SYCP2: variants seen among roughly 807,000 people sequenced by gnomAD.
The protein encoded by SYCP2 is synaptonemal complex lateral element protein.
Under a neutral mutation model 211.3 loss-of-function variants are expected in SYCP2, and 55 were observed. The observed-to-expected ratio is 0.26, with a 90% confidence interval of 0.21 to 0.33. The LOEUF is 0.33. SYCP2 is among the 10% of genes least tolerant of loss of function. SYCP2 has a pLI of 1.00. For missense variants in SYCP2, 1,731 were observed against 1,752.0 expected, an observed-to-expected ratio of 0.99 and a Z score of 0.21; for synonymous variants, 570 against 555.2, an observed-to-expected ratio of 1.03 and a Z score of -0.37.
chr20:59,931,589 G>C (rs1381771225), intron 2 of SYCP2, among the ~76,000 whole-genome samples: 2 of 152,140 alleles, frequency 1.3e-5, no homozygotes, highest in African/African-American at 4.8e-5. Context: ...TTGCCCATTA[G>C]CTATGCTTTA....
chr20:59,931,442 T>C (rs960140569), intron 2 of SYCP2, among the ~76,000 whole-genome samples: 8 of 152,290 alleles, frequency 5.3e-5, no homozygotes, highest in African/African-American at 1.9e-4. Context: ...TTTGATGCAG[T>C]GAAGGTGTAT....
At chr20:59,875,229 C>A in intron 34 of SYCP2, 42 bp downstream of exon 34, 1 of 1,260,258 alleles carries the variant, frequency 7.9e-7, no homozygotes, top group Non-Finnish European at 1.1e-6. Context: ...TTATAGAAAA[C>A]TATTGAATAT....
intron 7 of SYCP2, among the ~76,000 whole-genome samples, chr20:59,917,312 AT>A (rs1365785835): frequency 6.6e-6 from 1 of 152,144 alleles, no homozygotes; most frequent in African/African-American, 2.4e-5. Context: ...ACGTTAACGC[AT>A]TTTTGAAAGA....
intron 39 of SYCP2, among the ~76,000 whole-genome samples, chr20:59,867,115 G>T (rs1193381466): frequency 1.5e-5 from 1 of 67,140 alleles, no homozygotes; most frequent in African/African-American, 5.5e-5. Flanking sequence ...CGGGGGGGGG[G>T]GGGGAGGGTG....
At chr20:59,929,350 G>C (rs2060691734) in intron 2 of SYCP2, among the ~76,000 whole-genome samples, 1 of 152,140 alleles carries the variant, frequency 6.6e-6, no homozygotes, top group Non-Finnish European at 1.5e-5. Context: ...TGATAGCATT[G>C]GGTAAAAATG....
intron 19 of SYCP2, 131 bp downstream of exon 19, chr20:59,896,298 G>T: frequency 1.8e-6 from 1 of 563,204 alleles, no homozygotes. Context: ...GAAGACATTT[G>T]TGGTTCATAT....
Position 59,932,688 on chromosome 20 carries a change from C to CA in SYCP2, c.-139-535dup, listed in dbSNP as rs556042560. Among the ~76,000 whole-genome samples the CA allele has an allele frequency of 2.5e-3, 382 of 151,184 alleles. 3 individuals are homozygous for CA. The highest frequency in any genetic ancestry group is 5.3e-3 in the South Asian group (25 of 4,758). The stretch of plus-strand genomic sequence containing the variant: ...GACTCCGTCTCGGGAAAAAAAACAA[C>CA]AAAAAAAAACCACGCTGCCGTATTC... On this transcript the variant is annotated intron_variant, in intron 1 of 44. Coordinates refer to ENST00000357552, the MANE Select transcript of SYCP2 (RefSeq NM_014258.4).
chr20:59,908,449 A>G (rs2060253172), intron 14 of SYCP2, among the ~76,000 whole-genome samples: 2 of 152,122 alleles, frequency 1.3e-5, no homozygotes, highest in Admixed American at 1.3e-4. Flanking sequence ...CAGGATCAGG[A>G]GGAAAGGGAC....
chr20:59,882,690 T>G (rs893287094), intron 26 of SYCP2, among the ~76,000 whole-genome samples: 1 of 151,974 alleles, frequency 6.6e-6, no homozygotes, highest in Non-Finnish European at 1.5e-5. Flanking sequence ...GAAAGACAAA[T>G]ACCGCATGTT....
In SYCP2 at chr20:59,868,391, T is replaced by C. The variant is rs749903036; in HGVS notation, c.3988+22A>G. 6.9e-6 allele frequency: 11 copies of C among 1,593,278 alleles called. No individual in the cohort carries two copies. In the East Asian group the frequency reaches 2.5e-4, roughly 36 times the overall value. ...CACCCTCCAAATAACTGCATTTTGA[T>C]ACAGGCTACTGATCTACCTACTTTT... is the stretch of plus-strand genomic sequence containing the variant. On this transcript the variant is annotated intron_variant, in intron 38 of 44. Coordinates refer to ENST00000357552, the MANE Select transcript of SYCP2 (RefSeq NM_014258.4).
chr20:59,906,897 A>T (rs1012755281), intron 15 of SYCP2, among the ~76,000 whole-genome samples: 1 of 152,216 alleles, frequency 6.6e-6, no homozygotes, highest in African/African-American at 2.4e-5. Flanking sequence ...CACATGAAAA[A>T]GTGCTCAGCA....
At chr20:59,918,539 A>G (rs1308244773) in intron 7 of SYCP2, among the ~76,000 whole-genome samples, 1 of 152,200 alleles carries the variant, frequency 6.6e-6, no homozygotes, top group Admixed American at 6.5e-5. Flanking sequence ...AAGCTTCCAC[A>G]TAACCTTCAA....
chr20:59,904,449 C>T (rs1343155401), intron 15 of SYCP2, among the ~76,000 whole-genome samples: 43 of 152,004 alleles, frequency 2.8e-4, no homozygotes, highest in Admixed American at 2.8e-3. Context: ...TAGAGGCAAA[C>T]AAGACAAAGA....
intron 14 of SYCP2, among the ~76,000 whole-genome samples, chr20:59,908,406 ACAT>A (rs1382559647): frequency 1.3e-5 from 2 of 152,118 alleles, no homozygotes; most frequent in Non-Finnish European, 1.5e-5. Context: ...CACCCTGATG[ACAT>A]CACCACCTTT....
intron 15 of SYCP2, among the ~76,000 whole-genome samples, chr20:59,904,519 C>G (rs1425383937): frequency 6.6e-6 from 1 of 152,120 alleles, no homozygotes; most frequent in Non-Finnish European, 1.5e-5. Context: ...AGTCCTTCAG[C>G]CCCTCTGCCT....
rs2060501613 is a variant in SYCP2 at position 59,919,533 on chromosome 20, G to A, written c.362C>T (p.Ala121Val). 1 of 1,609,030 alleles carries A rather than the reference G, an allele frequency of 6.2e-7. No individual in the cohort carries two copies. The highest frequency in any genetic ancestry group is 8.5e-7 in the Non-Finnish European group (1 of 1,176,882). ...TAAGTCTTCTATCATATTTAGAACA[G>A]CTTCATCTTTTGAATTTCCTTGACT... The part of the protein sequence containing the change: ...IQSQGNSKDE[A>V]VLNMIEDLVD... The change falls in exon 6 of 45, where the codon GCT becomes GTT. Residue 121 changes from alanine to valine, a missense_variant. Physicochemically the swap from Ala to Val is moderately conservative, Grantham distance 64. Coordinates refer to ENST00000357552, the MANE Select transcript of SYCP2 (RefSeq NM_014258.4).
At chr20:59,932,941 C>G (rs905039058) in intron 1 of SYCP2, among the ~76,000 whole-genome samples, 2 of 152,118 alleles carry the variant, frequency 1.3e-5, no homozygotes, top group Non-Finnish European at 2.9e-5. Flanking sequence ...TAAGTGGAAC[C>G]GGCAGTGGCA....
chr20:59,876,425 A>AAAAT (rs1393038491), intron 33 of SYCP2, among the ~76,000 whole-genome samples: 2 of 145,816 alleles, frequency 1.4e-5, no homozygotes, highest in African/African-American at 5.0e-5. Context: ...GAAGTGATAG[A>AAAAT]AAATGTAGAC....
chr20:59,881,382 G>C, intron 29 of SYCP2, 55 bp downstream of exon 29: 4 of 894,958 alleles, frequency 4.5e-6, no homozygotes, highest in Non-Finnish European at 5.1e-6. Flanking sequence ...ACTGGGAGGA[G>C]ATATTTAAGA....
Sources: allele counts gnomAD v4.1 joint callset (sites outside exome capture counted in the v4.1 genomes callset), GRCh38; gene constraint gnomAD v4.1.1; transcripts MANE v1.5; gene names NCBI Gene and HGNC (gene_info 2026-07-23, HGNC 2026-07-21).